IRF1: variants seen among roughly 807,000 people sequenced by gnomAD.
The protein encoded by IRF1 is interferon regulatory factor 1, also known as interferon regulatory factor-1.
In IRF1, 13 loss-of-function variants were observed where a neutral mutation model predicts 43.7. That is an observed-to-expected ratio of 0.30 (90% CI 0.19 to 0.47). IRF1 has a LOEUF of 0.47. Ranked by LOEUF, IRF1 falls within the 20% of genes least tolerant of loss-of-function variation. The pLI, the probability that IRF1 is intolerant of heterozygous loss-of-function variation, is 0.99. For missense variants in IRF1, 236 were observed against 408.9 expected, an observed-to-expected ratio of 0.58 and a Z score of 3.65; for synonymous variants, 138 against 146.8, an observed-to-expected ratio of 0.94 and a Z score of 0.43.
In IRF1 at chr5:132,490,476, C is replaced by G. The variant is rs890423747; in HGVS notation, c.-6+69G>C. 1 of 151,682 alleles carries G rather than the reference C, an allele frequency of 6.6e-6. No individual in the cohort carries two copies. The allele number at this position is 151,682 out of a possible 1,614,324, so 9.4% of individuals were successfully genotyped here. A position where few individuals can be genotyped will look rare whatever the true frequency, so the allele number is the denominator to read the frequency against. ...CTCCAGCCTGGAGCTTTCGACCCCC[C>G]ACTTCCTGGTGCCCCGCGCGCCTTT... On this transcript the variant is annotated intron_variant, in intron 1 of 9. Coordinates refer to ENST00000245414, the MANE Select transcript of IRF1 (RefSeq NM_002198.3). This position sits in a 1 kb window ranked among gnomAD's most constrained non-coding sequence, Gnocchi z 5.8.
chr5:132,489,611 T>G (rs1241921425), intron 1 of IRF1, 128 bp from the exon 2 acceptor site: 1 of 667,890 alleles, frequency 1.5e-6, no homozygotes, highest in African/African-American at 1.8e-5. Flanking sequence ...CTACACTCAG[T>G]GCGGAGGGGA....
In IRF1 at chr5:132,485,817, T is replaced by C. The variant is rs137941562; in HGVS notation, c.668-101A>G. Reference sequence around the variant, plus strand: ...GATCCCCCTGCCCTTTCTCTGTCTCTCTGTCTCTCTGACACACACACACAC... The same window carrying C: ...GATCCCCCTGCCCTTTCTCTGTCTCCCTGTCTCTCTGACACACACACACAC... On this transcript the variant is annotated intron_variant, in intron 7 of 9. Coordinates refer to ENST00000245414, the MANE Select transcript of IRF1 (RefSeq NM_002198.3). 1.0e-3 allele frequency: 781 copies of C among 765,194 alleles called. 3 individuals are homozygous for C. The African/African-American group carries it at 0.014, about 13-fold the overall frequency. 47.4% of individuals were successfully genotyped at this position (765,194 alleles called of 1,614,324 possible).
chr5:132,488,035 A>T lies in IRF1; in HGVS notation c.88-10T>A. 1 of 1,585,578 alleles carries T rather than the reference A, an allele frequency of 6.3e-7. No individual in the cohort carries two copies. ...GGAAGATCATCTCCTCCTGAACAAT[A>T]CACACATACACATAAGGCTGTGTCA... is the stretch of plus-strand genomic sequence containing the variant. On this transcript the variant is annotated splice_polypyrimidine_tract_variant and intron_variant, in intron 2 of 9. Transcript: ENST00000245414.
chr5:132,488,299 C>A (rs928583705), intron 2 of IRF1: 4 of 362,030 alleles, frequency 1.1e-5, no homozygotes, highest in Non-Finnish European at 2.1e-5. Context: ...CTAGGACCCA[C>A]ACAGGGCACC....
chr5:132,488,180 G>A (rs1754592953), intron 2 of IRF1, 155 bp from the exon 3 acceptor site: 1 of 627,872 alleles, frequency 1.6e-6, no homozygotes, highest in African/African-American at 1.8e-5. Flanking sequence ...CACCCATCTT[G>A]AGGCTGGCTT....
In IRF1 at chr5:132,490,427, G is replaced by A. The variant is rs1358758233; in HGVS notation, c.-6+118C>T. 4.7e-5 allele frequency: 7 copies of A among 149,926 alleles called. No homozygotes were observed. Among genetic ancestry groups the A allele is most frequent in the Non-Finnish European group, 8.9e-5 (6 of 67,280 alleles). 9.3% of individuals were successfully genotyped at this position (149,926 alleles called of 1,614,324 possible). ...CCCCCCGGAGCCCGCGCGGAGGCCCGGGCAACGCCGCGCGCCGGCGAGTCT... is the reference window on the plus strand; with the variant it reads ...CCCCCCGGAGCCCGCGCGGAGGCCCAGGCAACGCCGCGCGCCGGCGAGTCT... On this transcript the variant is annotated intron_variant, in intron 1 of 9. Coordinates refer to ENST00000245414, the MANE Select transcript of IRF1 (RefSeq NM_002198.3). The surrounding 1 kb of genome is among the most constrained non-coding windows in gnomAD (Gnocchi z 5.8).
Position 132,485,701 on chromosome 5 carries a change from T to C in IRF1, c.683A>G (p.Asp228Gly). 6.2e-7 allele frequency: 1 copy of C among 1,613,064 alleles called. No individual in the cohort carries two copies. Among genetic ancestry groups the C allele is most frequent in the South Asian group, 1.1e-5 (1 of 91,040 alleles). The change falls in exon 8 of 10, where the codon GAT becomes GGT. Residue 228 changes from aspartate (D) to glycine (G), a missense_variant. Coordinates refer to ENST00000245414, the MANE Select transcript of IRF1 (RefSeq NM_002198.3). Reference sequence around the variant, plus strand: ...GTCCTCAGGTAATTTCCCTTCCTCATCCTCATCTGTTGTAGCTGTGGATGG... The same window carrying C: ...GTCCTCAGGTAATTTCCCTTCCTCACCCTCATCTGTTGTAGCTGTGGATGG... ...PSTSEATTDE[D>G]EEGKLPEDIM...
rs1404046081 is a variant in IRF1, at chr5:132,490,411, G to A, written c.-6+134C>T. On this transcript the variant is annotated intron_variant, in intron 1 of 9. Transcript: ENST00000245414. This position sits in a 1 kb window ranked among gnomAD's most constrained non-coding sequence, Gnocchi z 5.8. ...CGCAGCTCCTCCGGCGCCCCCCGGAGCCCGCGCGGAGGCCCGGGCAACGCC... is the reference window on the plus strand; with the variant it reads ...CGCAGCTCCTCCGGCGCCCCCCGGAACCCGCGCGGAGGCCCGGGCAACGCC... 1 of 149,688 alleles carries A rather than the reference G, an allele frequency of 6.7e-6. No individual in the cohort carries two copies. The highest frequency in any genetic ancestry group is 1.5e-5 in the Non-Finnish European group (1 of 67,194). The allele number at this position is 149,688 out of a possible 1,614,324, so 9.3% of individuals were successfully genotyped here.
At position 132,490,231 on chromosome 5, in the gene IRF1, G is replaced by A. The variant is rs1173311580; in HGVS notation, c.-6+314C>T. 6.6e-6 allele frequency: 1 copy of A among 152,156 alleles called. No homozygotes were observed. The highest frequency in any genetic ancestry group is 2.4e-5 in the African/African-American group (1 of 41,450). 9.4% of individuals were successfully genotyped at this position (152,156 alleles called of 1,614,324 possible). On this transcript the variant is annotated intron_variant, in intron 1 of 9. Coordinates refer to ENST00000245414, the MANE Select transcript of IRF1 (RefSeq NM_002198.3). This position sits in a 1 kb window ranked among gnomAD's most constrained non-coding sequence, Gnocchi z 5.8. ...TGGGCTGACACTCGGTCCCCGGCAC[G>A]GCGTGTGGATGCGCGGGACGAACAT...
chr5:132,489,186 C>G, intron 2 of IRF1: 1 of 524,050 alleles, frequency 1.9e-6, no homozygotes, highest in East Asian at 3.2e-5. Context: ...CAGGTGGGTG[C>G]CCTACCTCAA....
In IRF1 at chr5:132,481,753, T is replaced by C. The variant is rs748856830; in HGVS notation, c.*2198A>G. On this transcript the variant is annotated 3_prime_UTR_variant, in exon 10 of 10. Coordinates refer to ENST00000245414, the MANE Select transcript of IRF1 (RefSeq NM_002198.3). ...GTACAGACAGAGCATTTCATCACTC[T>C]AGAAACTGGATGGCAAGTGCTACCC... 5 of 152,294 alleles carry C rather than the reference T, an allele frequency of 3.3e-5. No individual in the cohort carries two copies. Among genetic ancestry groups the C allele is most frequent in the African/African-American group, 9.6e-5 (4 of 41,476 alleles). 9.4% of individuals were successfully genotyped at this position (152,294 alleles called of 1,614,324 possible).
At chr5:132,484,192 T>C in intron 9 of IRF1, 117 bp from the exon 10 acceptor site, 2 of 1,468,834 alleles carry the variant, frequency 1.4e-6, no homozygotes, top group South Asian at 1.3e-5. Flanking sequence ...GCAGTAAACA[T>C]CCACTCAGCT....
intron 2 of IRF1, 106 bp from the exon 3 acceptor site, chr5:132,488,131 G>A (rs1421542196): frequency 4.6e-5 from 38 of 823,846 alleles, no homozygotes; most frequent in Non-Finnish European, 6.9e-5. Flanking sequence ...TCTGAGAAAA[G>A]GCTGACTTCC....
At chr5:132,485,558 C>A in intron 8 of IRF1, 109 bp downstream of exon 8, 1 of 881,762 alleles carries the variant, frequency 1.1e-6, no homozygotes, top group Non-Finnish European at 1.9e-6. Context: ...ATGCAAGCAG[C>A]CAGGTGACAA....
At chr5:132,486,490 A>G (rs1754531453) in intron 6 of IRF1, 67 bp downstream of exon 6, 2 of 1,612,504 alleles carry the variant, frequency 1.2e-6, no homozygotes, top group Non-Finnish European at 1.7e-6. Flanking sequence ...TGCCAGCACC[A>G]TGCCTCCAAG....
In IRF1 at chr5:132,489,416, G is replaced by A. The variant is rs1189473578; in HGVS notation, c.63C>T (p.Ile21=). The A allele has an allele frequency of 9.9e-6, 16 of 1,613,770 alleles. No individual in the cohort carries two copies. The highest frequency in any genetic ancestry group is 1.4e-5 in the Non-Finnish European group (16 of 1,179,776). ...WLEMQINSNQ[I]PGLIWINKEE... is the part of the protein sequence containing the mutation. ...CTTTATTAATCCAGATGAGCCCCGGGATTTGGTTGGAATTAATCTGCATCT... is the reference window on the plus strand; with the variant it reads ...CTTTATTAATCCAGATGAGCCCCGGAATTTGGTTGGAATTAATCTGCATCT... Residue 21 remains isoleucine (I), a synonymous_variant, in exon 2 of 10, where the codon ATC becomes ATT. Transcript: ENST00000245414.
intron 6 of IRF1, 51 bp downstream of exon 6, chr5:132,486,506 G>A: frequency 6.2e-7 from 1 of 1,613,266 alleles, no homozygotes; most frequent in Non-Finnish European, 8.5e-7. Flanking sequence ...CCAAGAGAAA[G>A]AGTCATCCCA....
intron 2 of IRF1, chr5:132,488,318 A>C: frequency 1.0e-5 from 3 of 298,982 alleles, no homozygotes; most frequent in Non-Finnish European, 1.3e-5. Context: ...CCCTCCCCCA[A>C]AGCCCTGGTT....
At position 132,487,074 on chromosome 5, in the gene IRF1, G is replaced by A. The variant is rs759014983; in HGVS notation, c.244C>T (p.Arg82Cys). The change falls in exon 4 of 10, where the codon CGC (arginine) becomes TGC (cysteine). Residue 82 changes from arginine (R) to cysteine (C), a missense_variant. Physicochemically the swap from Arg to Cys is radical, Grantham distance 180. This residue lies in a region of IRF1 where 66 missense variants were observed against 157.1 expected (regional missense o/e 0.42). Transcript: ENST00000245414. The part of the protein sequence containing the change: ...PDPKTWKANF[R>C]CAMNSLPDIE... ...TCTGGCAGGGAGTTCATGGCACAGC[G>A]AAAGTTGGCCTTCCACGTCTTGGGA... 2.5e-6 allele frequency: 4 copies of A among 1,614,196 alleles called. No individual in the cohort carries two copies. Among genetic ancestry groups the A allele is most frequent in the Non-Finnish European group, 2.5e-6 (3 of 1,180,022 alleles).
Sources: gnomAD v4.1 joint callset for allele counts on GRCh38, gnomAD v4.1.1 for gene constraint, gnomAD v4.1.1 regional missense constraint, Gnocchi (gnomAD v3.1) non-coding constraint, MANE v1.5 for transcripts, NCBI Gene and HGNC (gene_info 2026-07-23, HGNC 2026-07-21) for gene names.